Variants in ESRRG observed in about 807,000 individuals in gnomAD.
The protein encoded by ESRRG is estrogen-related receptor gamma.
Under a neutral mutation model 44.0 loss-of-function variants are expected in ESRRG, and 13 were observed. That is an observed-to-expected ratio of 0.30 (90% CI 0.19 to 0.47). The LOEUF (loss-of-function observed/expected upper bound fraction) is 0.47, where lower values mean the gene tolerates loss of function less well. Among genes scored for constraint, ESRRG ranks in the 20% least tolerant of loss-of-function variants. The pLI is 1.00. For missense variants in ESRRG, 395 were observed against 580.6 expected (o/e 0.68, Z 3.29); for synonymous variants, 215 against 214.6 (o/e 1.00, Z -0.02).
intron 2 of ESRRG, among the ~76,000 whole-genome samples, chr1:216,873,950 A>AAGGGAAGGGAAGGGAAGGGAAGGGGG (rs2096302917): frequency 1.5e-5 from 1 of 64,784 alleles, no homozygotes. Flanking sequence ...AGGGAAGGGG[A>AAGGGAAGGGAAGGGAAGGGAAGGGGG]GTGGGGGAAG....
At chr1:217,008,359 G>A (rs76852788) in intron 1 of ESRRG, among the ~76,000 whole-genome samples, 3,558 of 152,304 alleles carry the variant, frequency 0.023, 92 homozygotes, top group East Asian at 0.073. Context: ...TCCACAGTCA[G>A]AATATATGCT....
At chr1:216,913,441 T>A (rs1385944877) in intron 2 of ESRRG, among the ~76,000 whole-genome samples, 2 of 152,200 alleles carry the variant, frequency 1.3e-5, no homozygotes, top group Non-Finnish European at 2.9e-5. Context: ...TGAATATGCA[T>A]CCTTTATATT....
At chr1:216,957,808 T>G (rs951467947) in intron 1 of ESRRG, among the ~76,000 whole-genome samples, 1 of 152,210 alleles carries the variant, frequency 6.6e-6, no homozygotes. Flanking sequence ...AAATAACTAA[T>G]TATTGCCTAC....
chr1:216,707,224 C>A lies in ESRRG; in HGVS notation c.56+16020G>T, dbSNP rs762114037. The A allele has an allele frequency of 2.7e-4, 274 of 1,005,876 alleles. 1 individual carries two copies. Among genetic ancestry groups the A allele is most frequent in the Non-Finnish European group, 3.6e-4 (252 of 701,356 alleles). 62.3% of individuals were successfully genotyped at this position (1,005,876 alleles called of 1,614,324 possible). A position where few individuals can be genotyped will look rare whatever the true frequency, so the allele number is the denominator to read the frequency against. ...TGGGAAATATACTGTCTTACATGAT[C>A]TTTAAAAGCATTTTTTTTTCTTTTC... On this transcript the variant is annotated intron_variant, in intron 1 of 6. Coordinates refer to ENST00000408911, the MANE Select transcript of ESRRG (RefSeq NM_001438.4).
intron 2 of ESRRG, among the ~76,000 whole-genome samples, chr1:216,803,387 T>C (rs1262183271): frequency 6.6e-6 from 1 of 152,130 alleles, no homozygotes; most frequent in African/African-American, 2.4e-5. Flanking sequence ...GTGTTCAGAC[T>C]CTTGAGTGTC....
chr1:217,011,889 C>T (rs907750347), intron 1 of ESRRG, among the ~76,000 whole-genome samples: 6 of 152,096 alleles, frequency 3.9e-5, no homozygotes, highest in African/African-American at 1.4e-4. Context: ...TCTCTTTAGC[C>T]CCGAGTTTTG....
intron 2 of ESRRG, among the ~76,000 whole-genome samples, chr1:216,921,117 A>C (rs2061779126): frequency 6.6e-6 from 1 of 152,218 alleles, no homozygotes; most frequent in Admixed American, 6.5e-5. Context: ...CCAGATATTC[A>C]AAGAGTATAT....
At chr1:216,675,460 C>T (rs1472790275) in intron 2 of ESRRG, among the ~76,000 whole-genome samples, 3 of 152,084 alleles carry the variant, frequency 2.0e-5, no homozygotes, top group South Asian at 2.1e-4. Flanking sequence ...AGGATTAGCA[C>T]TTAACAAACA....
At chr1:216,545,499 A>G (rs930800269) in intron 5 of ESRRG, among the ~76,000 whole-genome samples, 1 of 152,124 alleles carries the variant, frequency 6.6e-6, no homozygotes, top group Admixed American at 6.6e-5. Context: ...GTATAAATTC[A>G]TATAAAAGAC....
chr1:216,547,004 T>A (rs1572721620), intron 5 of ESRRG, among the ~76,000 whole-genome samples: 1 of 151,806 alleles, frequency 6.6e-6, no homozygotes, highest in Non-Finnish European at 1.5e-5. Flanking sequence ...ACTCCCTATG[T>A]CCATGTGTTC....
At chr1:217,082,915 C>T (rs6604652) in intron 1 of ESRRG, among the ~76,000 whole-genome samples, 60,189 of 151,950 alleles carry the variant, frequency 0.4, 12,016 homozygotes, top group East Asian at 0.57. Flanking sequence ...CAAAGAGTCC[C>T]GAAAGTTTCT....
intron 1 of ESRRG, among the ~76,000 whole-genome samples, chr1:216,942,389 C>T (rs1560201045): frequency 1.3e-5 from 2 of 152,102 alleles, no homozygotes; most frequent in African/African-American, 4.8e-5. Context: ...GGGCAGGTGT[C>T]TTTTTGGCAG....
intron 1 of ESRRG, among the ~76,000 whole-genome samples, chr1:217,062,979 A>G (rs2088870692): frequency 6.6e-6 from 1 of 152,128 alleles, no homozygotes; most frequent in African/African-American, 2.4e-5. Flanking sequence ...TCTAGTATGT[A>G]CCTATGTGAC....
In ESRRG at chr1:216,723,406, C is replaced by A; in HGVS notation, c.-107G>T. 9.6e-7 allele frequency: 1 copy of A among 1,041,020 alleles called. No individual in the cohort carries two copies. The highest frequency in any genetic ancestry group is 1.5e-6 in the Non-Finnish European group (1 of 669,658). The allele number at this position is 1,041,020 out of a possible 1,614,324, so 64.5% of individuals were successfully genotyped here. ...GTTCTCCTAGTGACAAGCCTATAGGCACAGCCAGTTGGGACCAAAGCTCTC... is the reference window on the plus strand; with the variant it reads ...GTTCTCCTAGTGACAAGCCTATAGGAACAGCCAGTTGGGACCAAAGCTCTC... On this transcript the variant is annotated 5_prime_UTR_variant, in exon 1 of 7. Transcript: ENST00000408911.
intron 1 of ESRRG, among the ~76,000 whole-genome samples, chr1:216,712,944 T>G (rs980625035): frequency 2.0e-5 from 3 of 152,186 alleles, no homozygotes; most frequent in African/African-American, 7.2e-5. Context: ...GAACTAGTAC[T>G]GAACAAAGGG....
chr1:217,009,366 T>A (rs12738035), intron 1 of ESRRG, among the ~76,000 whole-genome samples: 23,984 of 152,176 alleles, frequency 0.16, 2,470 homozygotes, highest in Admixed American at 0.22. Flanking sequence ...GCCACACCTT[T>A]AAGGGATCAG....
Position 217,053,133 on chromosome 1 carries a change from T to TAAAA in ESRRG, c.-106+36370_-106+36373dup, listed in dbSNP as rs71303007. ...GAGGTAACATAGCAAAATCCCATCT[T>TAAAA]AAAAAAAAAAAAAAAAAAAACAGAA... On this transcript the variant is annotated intron_variant, in intron 1 of 7. Coordinates refer to the ESRRG transcript ENST00000359162. 1.3e-3 allele frequency among the ~76,000 whole-genome samples: 153 copies of TAAAA among 119,002 alleles called. 2 individuals carry two copies. The highest frequency in any genetic ancestry group is 4.3e-3 in the African/African-American group (129 of 29,660). The allele number at this position is 119,002 out of a possible 152,430, so 78.1% of individuals were successfully genotyped here.
At chr1:216,649,643 C>T (rs2068471512) in intron 3 of ESRRG, among the ~76,000 whole-genome samples, 1 of 152,020 alleles carries the variant, frequency 6.6e-6, no homozygotes, top group Non-Finnish European at 1.5e-5. Flanking sequence ...TTTATTATAA[C>T]ATTATACACT....
At chr1:216,936,495 G>GCA (rs1194189018) in intron 2 of ESRRG, among the ~76,000 whole-genome samples, 1 of 150,914 alleles carries the variant, frequency 6.6e-6, no homozygotes, top group African/African-American at 2.4e-5. Flanking sequence ...ATGGGTAAAC[G>GCA]CACACACACA....
Sources: allele counts gnomAD v4.1 joint callset (sites outside exome capture counted in the v4.1 genomes callset), GRCh38; gene constraint gnomAD v4.1.1; transcripts MANE v1.5; gene names NCBI Gene and HGNC (gene_info 2026-07-23, HGNC 2026-07-21).